ARHGAP28: variants seen among roughly 807,000 people sequenced by gnomAD.
ARHGAP28 encodes the protein Rho GTPase activating protein 28.
Under a neutral mutation model 90.7 loss-of-function variants are expected in ARHGAP28, and 56 were observed. That is an observed-to-expected ratio of 0.62 (90% CI 0.50 to 0.77). ARHGAP28 has a LOEUF of 0.77. Among genes scored for constraint, ARHGAP28 ranks in the 30% least tolerant of loss-of-function variants. The pLI is 0.00. For missense variants in ARHGAP28, 869 were observed against 900.9 expected, an observed-to-expected ratio of 0.96 and a Z score of 0.45; for synonymous variants, 308 against 323.3, an observed-to-expected ratio of 0.95 and a Z score of 0.51.
chr18:6,820,940 G>T (rs945427337), intron 1 of ARHGAP28, among the ~76,000 whole-genome samples: 8 of 152,122 alleles, frequency 5.3e-5, no homozygotes, highest in African/African-American at 1.9e-4. Flanking sequence ...GATCTGTTGT[G>T]GAAACACAGA....
intron 1 of ARHGAP28, among the ~76,000 whole-genome samples, chr18:6,762,455 G>C (rs1484293898): frequency 1.3e-5 from 2 of 152,110 alleles, no homozygotes; most frequent in African/African-American, 4.8e-5. Context: ...ATTTCATTCA[G>C]TTTCCCCTTC....
intron 1 of ARHGAP28, among the ~76,000 whole-genome samples, chr18:6,741,271 A>AT (rs2055975136): frequency 6.6e-6 from 1 of 152,190 alleles, no homozygotes; most frequent in Admixed American, 6.5e-5. Flanking sequence ...TGGCCCTGTG[A>AT]TTTTTAACAT....
chr18:6,817,708 A>G (rs2056600962), intron 1 of ARHGAP28, among the ~76,000 whole-genome samples: 1 of 152,212 alleles, frequency 6.6e-6, no homozygotes, highest in South Asian at 2.1e-4. Flanking sequence ...TGGCTGCTGC[A>G]GCACCAGTCA....
chr18:6,880,491 A>T (rs1282815070), intron 10 of ARHGAP28, among the ~76,000 whole-genome samples: 1 of 152,164 alleles, frequency 6.6e-6, no homozygotes, highest in East Asian at 1.9e-4. Flanking sequence ...GAAAAGACAA[A>T]TCTACCCTTG....
At chr18:6,800,900 T>G (rs2056476966) in intron 1 of ARHGAP28, among the ~76,000 whole-genome samples, 1 of 152,210 alleles carries the variant, frequency 6.6e-6, no homozygotes, top group African/African-American at 2.4e-5. Flanking sequence ...ATTTTGAAAG[T>G]TCTTTATGTA....
chr18:6,850,679 T>C (rs2056902958), intron 3 of ARHGAP28: 17 of 722,166 alleles, frequency 2.4e-5, no homozygotes, highest in Non-Finnish European at 3.5e-5. Context: ...ATTCATATCT[T>C]ACTGGATGGA....
chr18:6,754,559 T>A (rs1168478278), intron 1 of ARHGAP28: 2 of 152,188 alleles, frequency 1.3e-5, no homozygotes, highest in East Asian at 1.9e-4. Context: ...AGTGACCAAC[T>A]GTGCCCTCCA....
chr18:6,905,110 A>G (rs76974495), intron 16 of ARHGAP28, among the ~76,000 whole-genome samples: 28 of 152,142 alleles, frequency 1.8e-4, no homozygotes, highest in African/African-American at 6.0e-4. Context: ...GCCATAAAAA[A>G]AAACAAACAA....
At chr18:6,905,012 AAC>A (rs1441844906) in intron 16 of ARHGAP28, among the ~76,000 whole-genome samples, 1 of 152,124 alleles carries the variant, frequency 6.6e-6, no homozygotes, top group East Asian at 1.9e-4. Context: ...ACTAATCTAG[AAC>A]AGTCTTTTCT....
chr18:6,823,660 C>T (rs928117876), intron 1 of ARHGAP28, among the ~76,000 whole-genome samples: 30 of 143,642 alleles, frequency 2.1e-4, no homozygotes, highest in African/African-American at 7.2e-4. Context: ...ATTTAAACCT[C>T]TTAAGCCTGT....
At chr18:6,872,797 G>T (rs531577670) in intron 7 of ARHGAP28, among the ~76,000 whole-genome samples, 8 of 152,250 alleles carry the variant, frequency 5.3e-5, no homozygotes, top group Non-Finnish European at 4.4e-5. Context: ...CAAAATCATA[G>T]TAGGATTGTT....
At chr18:6,748,932 C>T (rs1378689467) in intron 1 of ARHGAP28, among the ~76,000 whole-genome samples, 1 of 152,132 alleles carries the variant, frequency 6.6e-6, no homozygotes, top group East Asian at 1.9e-4. Context: ...CCGTCAGTCA[C>T]TAGTCTTGTG....
At chr18:6,905,504 C>T (rs1275186255) in intron 16 of ARHGAP28, among the ~76,000 whole-genome samples, 1 of 152,016 alleles carries the variant, frequency 6.6e-6, no homozygotes, top group Non-Finnish European at 1.5e-5. Context: ...TAAGAATGCC[C>T]ACATTCATCA....
intron 1 of ARHGAP28, among the ~76,000 whole-genome samples, chr18:6,816,867 C>T (rs774323679): frequency 6.6e-6 from 1 of 151,958 alleles, no homozygotes; most frequent in South Asian, 2.1e-4. Flanking sequence ...GCAGGAGAGT[C>T]GCTTGAGCTC....
chr18:6,875,910 G>A lies in ARHGAP28; in HGVS notation c.1213-221G>A, dbSNP rs192474498. ...GCCGTTACTTACGAGGTTGATCTTG[G>A]GAAAGTTGTATAACTGCTATAAATC... On this transcript the variant is annotated intron_variant, in intron 9 of 17. Transcript: ENST00000383472. Among the ~76,000 whole-genome samples the A allele has an allele frequency of 4.6e-5, 7 of 152,236 alleles. No homozygotes were observed. In the East Asian group the frequency reaches 5.8e-4, roughly 13 times the overall value.
intron 4 of ARHGAP28, among the ~76,000 whole-genome samples, chr18:6,852,254 AC>A (rs1225687966): frequency 6.6e-6 from 1 of 152,228 alleles, no homozygotes; most frequent in Non-Finnish European, 1.5e-5. Context: ...AGTCCAATCT[AC>A]AGTAATCAGA....
intron 1 of ARHGAP28, among the ~76,000 whole-genome samples, chr18:6,762,749 C>A (rs1394466152): frequency 6.6e-6 from 1 of 152,014 alleles, no homozygotes; most frequent in Non-Finnish European, 1.5e-5. Flanking sequence ...GAGAAGACAG[C>A]CATCTATGAG....
chr18:6,793,323 C>T (rs946868983), intron 1 of ARHGAP28, among the ~76,000 whole-genome samples: 3 of 152,144 alleles, frequency 2.0e-5, no homozygotes, highest in Admixed American at 6.5e-5. Flanking sequence ...AGGAACAGTG[C>T]TCCTCTAATA....
At chr18:6,774,365 G>A (rs955300051) in intron 1 of ARHGAP28, 1 of 152,086 alleles carries the variant, frequency 6.6e-6, no homozygotes, top group Non-Finnish European at 1.5e-5. Flanking sequence ...ATTTTTAGGG[G>A]CTTATAGTTT....
Sources: allele counts gnomAD v4.1 joint callset (sites outside exome capture counted in the v4.1 genomes callset), GRCh38; gene constraint gnomAD v4.1.1; transcripts MANE v1.5; gene names NCBI Gene and HGNC (gene_info 2026-07-23, HGNC 2026-07-21).